SORCS3: variants seen among roughly 807,000 people sequenced by gnomAD.
SORCS3 encodes the protein VPS10 domain-containing receptor SorCS3.
SORCS3 carries 57 observed loss-of-function variants against 146.3 expected under a neutral mutation model. That is an observed-to-expected ratio of 0.39 (90% CI 0.31 to 0.49). The LOEUF (loss-of-function observed/expected upper bound fraction) is 0.49. Ranked by LOEUF, SORCS3 falls within the 20% of genes least tolerant of loss-of-function variation. SORCS3 has a pLI of 0.92. For synonymous variants in SORCS3, 653 were observed against 618.5 expected, an observed-to-expected ratio of 1.06 and a Z score of -0.83; for missense variants, 1,341 against 1,575.5, an observed-to-expected ratio of 0.85 and a Z score of 2.52.
intron 1 of SORCS3, among the ~76,000 whole-genome samples, chr10:104,818,003 C>T (rs952319992): frequency 6.6e-6 from 1 of 152,180 alleles, no homozygotes; most frequent in Middle Eastern, 3.4e-3. Context: ...ATCATGTCAC[C>T]AATTGAACAC....
chr10:104,974,517 C>T (rs997228770), intron 3 of SORCS3, among the ~76,000 whole-genome samples: 13 of 152,056 alleles, frequency 8.5e-5, no homozygotes, highest in African/African-American at 3.1e-4. Flanking sequence ...AGGATTGCAA[C>T]CCCTGCCTTT....
chr10:104,946,812 C>G (rs182590842), intron 3 of SORCS3, among the ~76,000 whole-genome samples: 13 of 152,254 alleles, frequency 8.5e-5, no homozygotes, highest in Non-Finnish European at 1.5e-5. Flanking sequence ...GAGCATGCTT[C>G]TTTTTATATG....
intron 11 of SORCS3, among the ~76,000 whole-genome samples, chr10:105,163,685 G>T (rs2056286078): frequency 6.6e-6 from 1 of 152,166 alleles, no homozygotes; most frequent in African/African-American, 2.4e-5. Context: ...CAGCAAGTAT[G>T]GTTGGTCTAG....
intron 1 of SORCS3, among the ~76,000 whole-genome samples, chr10:104,755,911 G>A (rs954282236): frequency 1.3e-5 from 2 of 151,982 alleles, no homozygotes; most frequent in South Asian, 4.1e-4. Context: ...TTTTTGTGGG[G>A]GCTTTTAAGT....
At chr10:104,734,518 C>T (rs555026026) in intron 1 of SORCS3, among the ~76,000 whole-genome samples, 1 of 152,336 alleles carries the variant, frequency 6.6e-6, no homozygotes, top group South Asian at 2.1e-4. Flanking sequence ...AACTAATTAC[C>T]AAGTACCAAG....
chr10:105,221,763 T>G (rs2056703730), intron 19 of SORCS3, among the ~76,000 whole-genome samples: 1 of 152,202 alleles, frequency 6.6e-6, no homozygotes. Flanking sequence ...CAGTTGTGGC[T>G]TAAGAACTTC....
chr10:105,022,090 A>G (rs559243106), intron 4 of SORCS3, among the ~76,000 whole-genome samples: 114 of 152,260 alleles, frequency 7.5e-4, no homozygotes, highest in African/African-American at 2.0e-3. Flanking sequence ...TGGGGCAGTG[A>G]AACAATTCCA....
intron 2 of SORCS3, among the ~76,000 whole-genome samples, chr10:104,865,383 G>T (rs756724918): frequency 6.6e-6 from 1 of 152,112 alleles, no homozygotes; most frequent in Non-Finnish European, 1.5e-5. Flanking sequence ...CTTCCTTTTT[G>T]AACTTTCTCA....
At chr10:104,957,272 C>T (rs2019504831) in intron 3 of SORCS3, among the ~76,000 whole-genome samples, 1 of 152,126 alleles carries the variant, frequency 6.6e-6, no homozygotes, top group Non-Finnish European at 1.5e-5. Flanking sequence ...ATAAATTACA[C>T]TTGACAACTC....
At chr10:105,150,080 G>A (rs2056158012) in intron 9 of SORCS3, among the ~76,000 whole-genome samples, 1 of 152,122 alleles carries the variant, frequency 6.6e-6, no homozygotes. Context: ...CATGAGGAAG[G>A]CAGGAGAGTT....
intron 2 of SORCS3, among the ~76,000 whole-genome samples, chr10:104,850,101 T>G (rs1174323604): frequency 6.6e-6 from 1 of 152,208 alleles, no homozygotes. Flanking sequence ...TTGGAGGGCC[T>G]AAGCCCATTG....
chr10:104,742,015 T>C (rs544756518), intron 1 of SORCS3, among the ~76,000 whole-genome samples: 1 of 152,124 alleles, frequency 6.6e-6, no homozygotes, highest in South Asian at 2.1e-4. Context: ...TTTTAAAAAA[T>C]TGTATCCTGG....
At chr10:105,058,008 T>G (rs1184803688) in intron 5 of SORCS3, among the ~76,000 whole-genome samples, 1 of 152,182 alleles carries the variant, frequency 6.6e-6, no homozygotes, top group Non-Finnish European at 1.5e-5. Flanking sequence ...CCACCTCCTC[T>G]CATCTCCCCG....
rs547991602 is a variant in SORCS3 at position 104,849,260 on chromosome 10, A to G, written c.695+6401A>G. 2.0e-5 allele frequency among the ~76,000 whole-genome samples: 3 copies of G among 151,960 alleles called. No homozygotes were observed. The South Asian group carries it at 6.3e-4, about 32-fold the overall frequency. ...ACCGTGTCTCTACTAAAAAATACAA[A>G]AATTAGCTAGGCGTGGTGGTGGGTG... On this transcript the variant is annotated intron_variant, in intron 2 of 26. Coordinates refer to ENST00000369701, the MANE Select transcript of SORCS3 (RefSeq NM_014978.3).
intron 2 of SORCS3, among the ~76,000 whole-genome samples, chr10:104,867,537 C>G (rs2018473453): frequency 6.6e-6 from 1 of 152,124 alleles, no homozygotes; most frequent in African/African-American, 2.4e-5. Flanking sequence ...TCTCGATCTC[C>G]TGACCTCATG....
chr10:105,051,216 T>A (rs931063599), intron 5 of SORCS3, among the ~76,000 whole-genome samples: 41 of 152,156 alleles, frequency 2.7e-4, no homozygotes, highest in Admixed American at 2.4e-3. Flanking sequence ...AGTGTTAATT[T>A]CATTGGTACA....
intron 1 of SORCS3, among the ~76,000 whole-genome samples, chr10:104,662,341 C>A (rs1292602503): frequency 6.6e-6 from 1 of 152,168 alleles, no homozygotes; most frequent in Non-Finnish European, 1.5e-5. Context: ...TGAGCTGTAA[C>A]TTTTGCATTC....
chr10:104,672,274 C>T (rs2015864382), intron 1 of SORCS3, among the ~76,000 whole-genome samples: 1 of 152,080 alleles, frequency 6.6e-6, no homozygotes, highest in Admixed American at 6.5e-5. Flanking sequence ...TCATAGTACT[C>T]ATTTATAGTC....
Position 105,167,296 on chromosome 10 carries a change from G to T in SORCS3, c.1848G>T (p.Trp616Cys), listed in dbSNP as rs753357253. 6.2e-7 allele frequency: 1 copy of T among 1,613,418 alleles called. No individual in the cohort carries two copies. Among genetic ancestry groups the T allele is most frequent in the East Asian group, 2.2e-5 (1 of 44,872 alleles). The change falls in exon 13 of 27, where the codon TGG (tryptophan) becomes TGT (cysteine). Residue 616 changes from tryptophan (W) to cysteine (C), a missense_variant. Transcript: ENST00000369701. ...DEEYNVWFLD[W>C]GGALVAMKHT... The stretch of plus-strand genomic sequence containing the variant: ...AGTACAATGTCTGGTTCCTAGACTG[G>T]GGTGGTGCCCTCGTGGCCATGAAAC...
Sources: allele counts gnomAD v4.1 joint callset (sites outside exome capture counted in the v4.1 genomes callset), GRCh38; gene constraint gnomAD v4.1.1; transcripts MANE v1.5; gene names NCBI Gene and HGNC (gene_info 2026-07-23, HGNC 2026-07-21).